TSHZ2: variants seen among roughly 807,000 people sequenced by gnomAD.
TSHZ2 encodes the protein teashirt homolog 2.
In TSHZ2, 21 loss-of-function variants were observed where a neutral mutation model predicts 74.4. The observed-to-expected ratio is 0.28, with a 90% CI of 0.20 to 0.41. The LOEUF is 0.41. Ranked by LOEUF, TSHZ2 falls within the 10% of genes least tolerant of loss-of-function variation. The pLI is 1.00. For synonymous variants in TSHZ2, 540 were observed against 515.3 expected (o/e 1.05, Z -0.65); for missense variants, 1,244 against 1,293.5 (o/e 0.96, Z 0.59).
chr20:53,202,804 G>C (rs150320691), intron 1 of TSHZ2, among the ~76,000 whole-genome samples: 2 of 152,160 alleles, frequency 1.3e-5, no homozygotes, highest in African/African-American at 4.8e-5. Flanking sequence ...CTGTTTTGTT[G>C]ATGGCTTTAG....
chr20:53,044,808 C>T (rs976804404), intron 1 of TSHZ2, among the ~76,000 whole-genome samples: 1 of 152,108 alleles, frequency 6.6e-6, no homozygotes, highest in Non-Finnish European at 1.5e-5. Context: ...CTCCTGGGTT[C>T]ACGGGATCCT....
At chr20:53,022,008 G>A (rs1465272687) in intron 1 of TSHZ2, among the ~76,000 whole-genome samples, 1 of 152,140 alleles carries the variant, frequency 6.6e-6, no homozygotes, top group Non-Finnish European at 1.5e-5. Context: ...AATCATAAAA[G>A]TAACATGGTG....
intron 1 of TSHZ2, among the ~76,000 whole-genome samples, chr20:53,037,633 G>A (rs1983868467): frequency 6.6e-6 from 1 of 152,214 alleles, no homozygotes; most frequent in African/African-American, 2.4e-5. Context: ...AGAAGATACA[G>A]ATTTTGACCT....
At chr20:53,407,712 A>G (rs1186030570) in intron 2 of TSHZ2, among the ~76,000 whole-genome samples, 1 of 152,172 alleles carries the variant, frequency 6.6e-6, no homozygotes, top group African/African-American at 2.4e-5. Context: ...ACCAGTGAAA[A>G]GGTCTTATTA....
intron 2 of TSHZ2, among the ~76,000 whole-genome samples, chr20:53,413,501 G>A (rs937970599): frequency 2.6e-5 from 4 of 152,166 alleles, no homozygotes; most frequent in African/African-American, 9.7e-5. Context: ...GTGATGTCGG[G>A]GAAGTCGCTT....
intron 1 of TSHZ2, among the ~76,000 whole-genome samples, chr20:53,225,854 T>C (rs974214779): frequency 6.6e-6 from 1 of 152,132 alleles, no homozygotes; most frequent in Non-Finnish European, 1.5e-5. Context: ...CAGCTCTAAA[T>C]TGTAACAGGG....
chr20:53,193,881 G>A (rs1988799178), intron 1 of TSHZ2, among the ~76,000 whole-genome samples: 1 of 152,182 alleles, frequency 6.6e-6, no homozygotes, highest in African/African-American at 2.4e-5. Flanking sequence ...TGAACCTGAG[G>A]AAGAGGAGTC....
intron 2 of TSHZ2, among the ~76,000 whole-genome samples, chr20:53,479,196 A>G (rs1334926003): frequency 2.0e-5 from 3 of 151,766 alleles, no homozygotes; most frequent in Non-Finnish European, 4.4e-5. Context: ...AAAGGAGAAA[A>G]TTGAGACATG....
chr20:53,484,660 A>G (rs542322980), intron 2 of TSHZ2, among the ~76,000 whole-genome samples: 3 of 152,160 alleles, frequency 2.0e-5, no homozygotes, highest in African/African-American at 7.2e-5. Context: ...TGCTGGGATT[A>G]CAGGCGTGCA....
At chr20:53,452,495 G>C (rs2145786119) in intron 2 of TSHZ2, among the ~76,000 whole-genome samples, 1 of 152,022 alleles carries the variant, frequency 6.6e-6, no homozygotes, top group African/African-American at 2.4e-5. Context: ...AGCTACTCGG[G>C]AGGCTGAGGC....
At chr20:52,975,854 C>T (rs183959204) in intron 1 of TSHZ2, among the ~76,000 whole-genome samples, 1 of 152,066 alleles carries the variant, frequency 6.6e-6, no homozygotes, top group Non-Finnish European at 1.5e-5. Context: ...CAGTTAACAT[C>T]CAGGGAAGGG....
At chr20:52,991,527 G>C (rs148967963) in intron 1 of TSHZ2, among the ~76,000 whole-genome samples, 1,922 of 149,996 alleles carry the variant, frequency 0.013, 13 homozygotes, top group Middle Eastern at 0.025. Flanking sequence ...GTATGATTTT[G>C]TGTGGATTAT....
chr20:53,081,028 T>C (rs1199085874), intron 1 of TSHZ2, among the ~76,000 whole-genome samples: 5 of 152,114 alleles, frequency 3.3e-5, no homozygotes, highest in Non-Finnish European at 5.9e-5. Flanking sequence ...TAAAACATGT[T>C]TTTTAGAGAC....
chr20:53,305,318 G>A (rs903857915), intron 2 of TSHZ2, among the ~76,000 whole-genome samples: 15 of 152,188 alleles, frequency 9.9e-5, no homozygotes, highest in Non-Finnish European at 1.9e-4. Context: ...AAGAAACAAT[G>A]GAATGGATGG....
chr20:53,411,587 G>A (rs1383654929), intron 2 of TSHZ2, among the ~76,000 whole-genome samples: 3 of 152,130 alleles, frequency 2.0e-5, no homozygotes, highest in African/African-American at 4.8e-5. Context: ...CCAGCACTTC[G>A]AGAGGCTAAA....
intron 2 of TSHZ2, among the ~76,000 whole-genome samples, chr20:53,479,913 T>C (rs972410524): frequency 1.3e-5 from 2 of 152,002 alleles, no homozygotes; most frequent in African/African-American, 4.8e-5. Flanking sequence ...AGGGCCAAGT[T>C]AGAGAAAAAC....
intron 1 of TSHZ2, among the ~76,000 whole-genome samples, chr20:53,166,063 T>C (rs1287355941): frequency 6.6e-6 from 1 of 152,198 alleles, no homozygotes; most frequent in Non-Finnish European, 1.5e-5. Context: ...CAGAAACTAA[T>C]ACAAGTTGAA....
intron 1 of TSHZ2, among the ~76,000 whole-genome samples, chr20:53,124,915 A>G (rs534077166): frequency 6.6e-6 from 1 of 152,334 alleles, no homozygotes; most frequent in South Asian, 2.1e-4. Flanking sequence ...GGCTTTGCAG[A>G]CCATGCAACA....
At chr20:53,065,052 T>C (rs1454405516) in intron 1 of TSHZ2, among the ~76,000 whole-genome samples, 1 of 152,248 alleles carries the variant, frequency 6.6e-6, no homozygotes. Flanking sequence ...AAGTTACCTG[T>C]GCTTTGTGAC....
Sources: allele counts gnomAD v4.1 joint callset (sites outside exome capture counted in the v4.1 genomes callset), GRCh38; gene constraint gnomAD v4.1.1; transcripts MANE v1.5; gene names NCBI Gene and HGNC (gene_info 2026-07-23, HGNC 2026-07-21).